CADM2: variants seen among roughly 807,000 people sequenced by gnomAD.
The protein encoded by CADM2 is cell adhesion molecule 2.
Under a neutral mutation model 49.8 loss-of-function variants are expected in CADM2, and 12 were observed. The ratio of observed to expected loss-of-function variants is 0.24; its 90% CI spans 0.15 to 0.39. The LOEUF (loss-of-function observed/expected upper bound fraction) is 0.39, where lower values mean the gene tolerates loss of function less well. Ranked by LOEUF, CADM2 falls within the 10% of genes least tolerant of loss-of-function variation. The pLI is 1.00. For missense variants in CADM2, 378 were observed against 492.3 expected, an observed-to-expected ratio of 0.77 and a Z score of 2.20; for synonymous variants, 214 against 175.4, an observed-to-expected ratio of 1.22 and a Z score of -1.74.
At position 85,034,166 on chromosome 3, in the gene CADM2, A is replaced by G. The variant is rs149920647; in HGVS notation, c.61+74498A>G. 4.6e-3 allele frequency among the ~76,000 whole-genome samples: 697 copies of G among 152,292 alleles called. 4 individuals carry two copies. The highest frequency in any genetic ancestry group is 0.016 in the African/African-American group (671 of 41,556). ...TCTAGTTATTTTTAAAGGCATGCACAAGAAATTATTGTCTACTGTGTCACC... is the reference window on the plus strand; with the variant it reads ...TCTAGTTATTTTTAAAGGCATGCACGAGAAATTATTGTCTACTGTGTCACC... On this transcript the variant is annotated intron_variant, in intron 1 of 9. Transcript: ENST00000383699.
At chr3:85,534,052 C>T (rs2061374779) in intron 1 of CADM2, among the ~76,000 whole-genome samples, 1 of 152,132 alleles carries the variant, frequency 6.6e-6, no homozygotes, top group African/African-American at 2.4e-5. Context: ...CATATTTACT[C>T]AGATGTGTAG....
intron 1 of CADM2, among the ~76,000 whole-genome samples, chr3:85,153,124 G>C (rs2039984096): frequency 6.6e-6 from 1 of 152,204 alleles, no homozygotes; most frequent in South Asian, 2.1e-4. Context: ...CCAGCTCCCA[G>C]CGTGAGCGAC....
At chr3:85,339,198 G>A (rs2107185474) in intron 1 of CADM2, among the ~76,000 whole-genome samples, 1 of 151,446 alleles carries the variant, frequency 6.6e-6, no homozygotes, top group East Asian at 1.9e-4. Context: ...CTGGCACATA[G>A]TAAATATGCA....
chr3:85,568,098 A>G (rs1431777599), intron 1 of CADM2, among the ~76,000 whole-genome samples: 1 of 152,166 alleles, frequency 6.6e-6, no homozygotes, highest in Non-Finnish European at 1.5e-5. Flanking sequence ...CCTCAGCAGT[A>G]ATGTCTTACC....
intron 1 of CADM2, among the ~76,000 whole-genome samples, chr3:85,441,465 A>C (rs2107543980): frequency 6.6e-6 from 1 of 152,240 alleles, no homozygotes; most frequent in Non-Finnish European, 1.5e-5. Flanking sequence ...GTTGAGTTTT[A>C]TATTACAGAG....
chr3:85,566,239 C>G (rs2062250543), intron 1 of CADM2, among the ~76,000 whole-genome samples: 1 of 151,902 alleles, frequency 6.6e-6, no homozygotes, highest in South Asian at 2.1e-4. Flanking sequence ...AATTTGATAG[C>G]ATTAATACCT....
Position 85,498,720 on chromosome 3 carries a change from G to A in CADM2, c.62-227802G>A, listed in dbSNP as rs190122172. Among the ~76,000 whole-genome samples, 214 of 152,212 alleles carry A rather than the reference G, an allele frequency of 1.4e-3. 1 individual carries two copies. Among genetic ancestry groups the A allele is most frequent in the African/African-American group, 4.8e-3 (200 of 41,532 alleles). On this transcript the variant is annotated intron_variant, in intron 1 of 9. Transcript: ENST00000383699. ...GGAAACACGCATAAAATAAGCTTAT[G>A]TATTGATAAGCTGAGAGAAATACCG... is the stretch of plus-strand genomic sequence containing the variant.
chr3:85,999,351 C>T (rs1317433329), intron 8 of CADM2, among the ~76,000 whole-genome samples: 1 of 151,566 alleles, frequency 6.6e-6, no homozygotes, highest in Non-Finnish European at 1.5e-5. Flanking sequence ...CTAAAACTAC[C>T]CAAAATTTTC....
chr3:85,844,311 T>C (rs1281370501), intron 3 of CADM2, among the ~76,000 whole-genome samples: 1 of 152,114 alleles, frequency 6.6e-6, no homozygotes. Context: ...TACCATACTT[T>C]GAATTTTTTG....
chr3:85,975,054 T>C (rs567975978), intron 8 of CADM2, among the ~76,000 whole-genome samples: 2 of 151,466 alleles, frequency 1.3e-5, no homozygotes, highest in Non-Finnish European at 3.0e-5. Context: ...GATAGATAGA[T>C]AGATAGAGGT....
intron 1 of CADM2, among the ~76,000 whole-genome samples, chr3:85,680,309 C>T (rs530166219): frequency 3.3e-5 from 5 of 151,980 alleles, no homozygotes; most frequent in East Asian, 1.9e-4. Flanking sequence ...TGGTCTGAAT[C>T]GGTGGAATTT....
chr3:85,793,880 T>C (rs941411381), intron 2 of CADM2, among the ~76,000 whole-genome samples: 5 of 152,162 alleles, frequency 3.3e-5, no homozygotes, highest in African/African-American at 4.8e-5. Context: ...GCAAGATTTA[T>C]TGGACAAGGA....
chr3:85,666,404 A>G (rs534243008), intron 1 of CADM2, among the ~76,000 whole-genome samples: 1 of 152,080 alleles, frequency 6.6e-6, no homozygotes, highest in East Asian at 1.9e-4. Context: ...CTACCTAGCT[A>G]TAAGCCTGGT....
At chr3:85,168,595 AT>A (rs1448272077) in intron 1 of CADM2, among the ~76,000 whole-genome samples, 3 of 152,174 alleles carry the variant, frequency 2.0e-5, no homozygotes, top group African/African-American at 7.2e-5. Flanking sequence ...CATACTGATT[AT>A]ATTTGGTATT....
chr3:85,964,433 ATAGT>A (rs113777355), intron 8 of CADM2, among the ~76,000 whole-genome samples: 9,956 of 151,638 alleles, frequency 0.066, 869 homozygotes, highest in African/African-American at 0.2. Context: ...TGCCGTCATA[ATAGT>A]TAGATTTTAT....
intron 1 of CADM2, among the ~76,000 whole-genome samples, chr3:85,661,497 C>T (rs1366362491): frequency 8.6e-5 from 13 of 152,028 alleles, no homozygotes. Flanking sequence ...CTCCTTGCTT[C>T]CTGATGTTCT....
At chr3:85,152,261 T>A (rs1559691086) in intron 1 of CADM2, among the ~76,000 whole-genome samples, 1 of 152,170 alleles carries the variant, frequency 6.6e-6, no homozygotes, top group Non-Finnish European at 1.5e-5. Context: ...TTCATATCCT[T>A]AACTACATTT....
At chr3:85,707,461 A>C (rs2066987222) in intron 1 of CADM2, among the ~76,000 whole-genome samples, 1 of 149,834 alleles carries the variant, frequency 6.7e-6, no homozygotes, top group Non-Finnish European at 1.5e-5. Context: ...CATTTTCATA[A>C]AGTTAAAAAT....
rs60207038 is a variant in CADM2, at chr3:85,144,620, A to AAAAGAAAGAAAG, written c.61+184967_61+184978dup. On this transcript the variant is annotated intron_variant, in intron 1 of 9. Transcript: ENST00000383699. ...GAGTGAGACTCCATCTCAAAAAAAA[A>AAAAGAAAGAAAG]AAAGAAAGAAAGAAAGAAAGAAAGA... Among the ~76,000 whole-genome samples, 658 of 136,360 alleles carry AAAAGAAAGAAAG rather than the reference A, an allele frequency of 4.8e-3. 4 individuals are homozygous for AAAAGAAAGAAAG. Among genetic ancestry groups the AAAAGAAAGAAAG allele is most frequent in the African/African-American group, 0.012 (411 of 34,844 alleles). 89.5% of individuals were successfully genotyped at this position (136,360 alleles called of 152,430 possible). A position where few individuals can be genotyped will look rare whatever the true frequency, so the allele number is the denominator to read the frequency against.
Sources: allele counts gnomAD v4.1 joint callset (sites outside exome capture counted in the v4.1 genomes callset), GRCh38; gene constraint gnomAD v4.1.1; transcripts MANE v1.5; gene names NCBI Gene and HGNC (gene_info 2026-07-23, HGNC 2026-07-21).